Variants in PRH1 observed in about 807,000 individuals in gnomAD.
PRH1 encodes proline rich protein HaeIII subfamily 1, also known as salivary acidic proline-rich phosphoprotein 1/2.
PRH1 carries 7 observed loss-of-function variants against 7.9 expected under a neutral mutation model. That is an observed-to-expected ratio of 0.89 (90% CI 0.50 to 1.67). The LOEUF (loss-of-function observed/expected upper bound fraction) is 1.67. Ranked by LOEUF, PRH1 falls within the 40% of genes most tolerant of loss-of-function variation. PRH1 has a pLI of 0.00. For missense variants in PRH1, 109 were observed against 223.6 expected (o/e 0.49, Z 3.27); for synonymous variants, 45 against 80.8 (o/e 0.56, Z 2.38).
At chr12:11,122,814 A>C (rs957218404) in intron 1 of PRH1, among the ~76,000 whole-genome samples, 1 of 151,314 alleles carries the variant, frequency 6.6e-6, no homozygotes, top group African/African-American at 2.4e-5. Flanking sequence ...CACACTTAGA[A>C]ATGGGCCAAA....
At chr12:10,898,829 C>A (rs1344076407) in intron 2 of PRH1, among the ~76,000 whole-genome samples, 1 of 152,146 alleles carries the variant, frequency 6.6e-6, no homozygotes, top group Admixed American at 6.5e-5. Flanking sequence ...ACACACGGAA[C>A]AGCATTATCA....
At chr12:10,932,956 C>T (rs904662148) in intron 2 of PRH1, among the ~76,000 whole-genome samples, 3 of 151,542 alleles carry the variant, frequency 2.0e-5, no homozygotes, top group Admixed American at 6.6e-5. Flanking sequence ...AGACAAAATA[C>T]ACTTGGGAGA....
At chr12:10,930,335 G>A (rs1950186312) in intron 2 of PRH1, 2 of 1,601,928 alleles carry the variant, frequency 1.2e-6, no homozygotes, top group Admixed American at 1.7e-5. Flanking sequence ...AGTAAACTCT[G>A]TCTCCATTTT....
chr12:11,069,379 T>C (rs570894755), intron 1 of PRH1, among the ~76,000 whole-genome samples: 2 of 152,060 alleles, frequency 1.3e-5, no homozygotes, highest in South Asian at 4.1e-4. Flanking sequence ...GGAGAATACA[T>C]GAGATCACCA....
At chr12:10,979,968 A>G (rs1300006633) in intron 1 of PRH1, among the ~76,000 whole-genome samples, 1 of 152,184 alleles carries the variant, frequency 6.6e-6, no homozygotes, top group Non-Finnish European at 1.5e-5. Flanking sequence ...ACTTAGTTCT[A>G]AGTTCTTGTC....
intron 1 of PRH1, among the ~76,000 whole-genome samples, chr12:11,035,432 G>C (rs576691461): frequency 9.2e-5 from 14 of 152,046 alleles, no homozygotes; most frequent in African/African-American, 2.2e-4. Flanking sequence ...AACTCTATTG[G>C]ATTCTCAAAA....
At chr12:11,055,949 C>T (rs1943346117) in intron 1 of PRH1, among the ~76,000 whole-genome samples, 1 of 152,258 alleles carries the variant, frequency 6.6e-6, no homozygotes, top group African/African-American at 2.4e-5. Context: ...TCCTAAAAAT[C>T]TCGTTGCTGC....
chr12:10,986,982 CT>C (rs1490617346), intron 1 of PRH1: 3 of 676,122 alleles, frequency 4.4e-6, no homozygotes, highest in Non-Finnish European at 6.8e-6. Context: ...ATTCTTTTTA[CT>C]TTTAAACACT....
chr12:11,111,957 A>AG (rs1945601310), intron 1 of PRH1, among the ~76,000 whole-genome samples: 1 of 151,736 alleles, frequency 6.6e-6, no homozygotes, highest in African/African-American at 2.4e-5. Context: ...ACAATAAAAA[A>AG]TAATAAAGGA....
intron 1 of PRH1, among the ~76,000 whole-genome samples, chr12:11,157,067 C>T (rs1035696836): frequency 6.6e-6 from 1 of 151,888 alleles, no homozygotes; most frequent in Non-Finnish European, 1.5e-5. Context: ...AGGATGGTCT[C>T]GATCTCCTGA....
chr12:11,008,612 T>C (rs903202219), intron 1 of PRH1, among the ~76,000 whole-genome samples: 1 of 152,206 alleles, frequency 6.6e-6, no homozygotes, highest in African/African-American at 2.4e-5. Flanking sequence ...TGCTTTGAAC[T>C]GTGTATAGGT....
chr12:11,017,116 T>A (rs1591816458), intron 1 of PRH1, among the ~76,000 whole-genome samples: 1 of 152,288 alleles, frequency 6.6e-6, no homozygotes, highest in Non-Finnish European at 1.5e-5. Flanking sequence ...ATGTGGCTCT[T>A]GATTTAGTGA....
At chr12:11,064,507 T>C (rs1191930284) in intron 1 of PRH1, among the ~76,000 whole-genome samples, 1 of 152,116 alleles carries the variant, frequency 6.6e-6, no homozygotes, top group Non-Finnish European at 1.5e-5. Flanking sequence ...TTCCTCTGTA[T>C]ATATACCTTT....
intron 2 of PRH1, among the ~76,000 whole-genome samples, chr12:10,972,929 C>CCA (rs1555119308): frequency 1.1e-5 from 1 of 90,086 alleles, no homozygotes; most frequent in Admixed American, 1.2e-4. Context: ...AGCACCACAA[C>CCA]CCACCCCCCC....
intron 1 of PRH1, among the ~76,000 whole-genome samples, chr12:11,151,814 T>C (rs61928567): frequency 0.75 from 113,299 of 152,046 alleles, 44,728 homozygotes; most frequent in East Asian, 0.96. Context: ...AAGAGTGTGT[T>C]CACAACTATT....
At chr12:10,926,251 C>T (rs936234160) in intron 2 of PRH1, among the ~76,000 whole-genome samples, 1 of 152,156 alleles carries the variant, frequency 6.6e-6, no homozygotes, top group Admixed American at 6.5e-5. Context: ...TTCCAATGTA[C>T]ATAAACTGCC....
chr12:11,003,792 A>C (rs1461305305), intron 1 of PRH1, among the ~76,000 whole-genome samples: 1 of 151,804 alleles, frequency 6.6e-6, no homozygotes, highest in Admixed American at 6.6e-5. Context: ...AATTACTATT[A>C]TATCTGTATA....
intron 1 of PRH1, among the ~76,000 whole-genome samples, chr12:11,013,721 T>C (rs1941162307): frequency 1.3e-5 from 2 of 149,516 alleles, no homozygotes; most frequent in Non-Finnish European, 3.0e-5. Context: ...AAAAATATTA[T>C]TGATTCTCCC....
At chr12:11,015,424 T>A (rs1230043005) in intron 1 of PRH1, among the ~76,000 whole-genome samples, 3 of 152,184 alleles carry the variant, frequency 2.0e-5, no homozygotes, top group Non-Finnish European at 4.4e-5. Flanking sequence ...TAAACTTCCA[T>A]TGCTGCTCAG....
Sources: allele counts gnomAD v4.1 joint callset (sites outside exome capture counted in the v4.1 genomes callset), GRCh38; gene constraint gnomAD v4.1.1; transcripts MANE v1.5; gene names NCBI Gene and HGNC (gene_info 2026-07-23, HGNC 2026-07-21).